The following STRBP variants were observed in gnomAD, a reference collection of about 807,000 sequenced individuals.
STRBP encodes the protein spermatid perinuclear RNA binding protein.
A neutral mutation model predicts 80.1 loss-of-function variants in STRBP; 13 were observed. The ratio of observed to expected loss-of-function variants is 0.16; its 90% CI spans 0.11 to 0.26. The LOEUF is 0.26. Among genes scored for constraint, STRBP ranks in the 10% least tolerant of loss-of-function variants. STRBP has a pLI of 1.00. For synonymous variants in STRBP, 284 were observed against 291.2 expected (o/e 0.98, Z 0.25); for missense variants, 485 against 815.2 (o/e 0.59, Z 4.93).
intron 5 of STRBP, among the ~76,000 whole-genome samples, chr9:123,171,891 C>G (rs1191874884): frequency 6.6e-6 from 1 of 152,170 alleles, no homozygotes; most frequent in African/African-American, 2.4e-5. Context: ...GTACACCCTC[C>G]AGGGTAACCC....
At chr9:123,239,453 T>C (rs1371830224) in intron 1 of STRBP, among the ~76,000 whole-genome samples, 1 of 152,152 alleles carries the variant, frequency 6.6e-6, no homozygotes, top group Non-Finnish European at 1.5e-5. Flanking sequence ...CTGGGCCACA[T>C]TTAGACTCAC....
At chr9:123,212,518 G>T (rs2039747450) in intron 2 of STRBP, 1 of 152,132 alleles carries the variant, frequency 6.6e-6, no homozygotes, top group Non-Finnish European at 1.5e-5. Context: ...AGACAGAAAA[G>T]GAGGAAAGAA....
chr9:123,136,956 A>C lies in STRBP; in HGVS notation c.1498-441T>G, dbSNP rs1330683625. ...TGTTAGAGGGTAAATGTTCCCATAC[A>C]CCTCTCAGTCACTCTAAACAGATTT... On this transcript the variant is annotated intron_variant, in intron 14 of 18. Transcript: ENST00000348403. The surrounding 1 kb of genome is among the most constrained non-coding windows in gnomAD (Gnocchi z 4.2). Among the ~76,000 whole-genome samples the C allele has an allele frequency of 6.6e-6, 1 of 152,196 alleles. No individual in the cohort carries two copies. Among genetic ancestry groups the C allele is most frequent in the Non-Finnish European group, 1.5e-5 (1 of 68,040 alleles).
chr9:123,154,969 T>A (rs1488844806), intron 11 of STRBP, among the ~76,000 whole-genome samples: 1 of 152,200 alleles, frequency 6.6e-6, no homozygotes, highest in Non-Finnish European at 1.5e-5. Flanking sequence ...ATGAGAAGCA[T>A]TCAGTAGACA....
At chr9:123,225,445 C>T (rs568074722) in intron 2 of STRBP, among the ~76,000 whole-genome samples, 1 of 152,300 alleles carries the variant, frequency 6.6e-6, no homozygotes, top group East Asian at 1.9e-4. Context: ...TTGTGGTATA[C>T]ACGTGTTATT....
chr9:123,214,471 A>G (rs911056386), intron 2 of STRBP, among the ~76,000 whole-genome samples: 30 of 152,044 alleles, frequency 2.0e-4, no homozygotes, highest in African/African-American at 7.0e-4. Context: ...TCCAAATACC[A>G]CCTGTTCCCC....
intron 1 of STRBP, among the ~76,000 whole-genome samples, chr9:123,256,265 G>A (rs776340535): frequency 1.3e-4 from 20 of 151,652 alleles, no homozygotes; most frequent in Admixed American, 2.0e-4. Context: ...CTGATCCTCC[G>A]CCTTGGTGTC....
At chr9:123,191,299 T>A (rs1588074942) in intron 2 of STRBP, among the ~76,000 whole-genome samples, 1 of 152,046 alleles carries the variant, frequency 6.6e-6, no homozygotes, top group African/African-American at 2.4e-5. Context: ...TGTCTATGAA[T>A]TGAGCACTTC....
chr9:123,169,885 T>TAC lies in STRBP; in HGVS notation c.535+16_535+17insGT. ...CAACAAATATATACATATATATATATATATATACATGTGTACCTCCATCCT... is the reference window on the plus strand; with the variant it reads ...CAACAAATATATACATATATATATATACATATATACATGTGTACCTCCATCCT... On this transcript the variant is annotated intron_variant, in intron 6 of 18. Coordinates refer to ENST00000348403, the MANE Select transcript of STRBP (RefSeq NM_018387.5). The TAC allele has an allele frequency of 7.7e-7, 1 of 1,304,658 alleles. No homozygotes were observed. Among genetic ancestry groups the TAC allele is most frequent in the Non-Finnish European group, 1.0e-6 (1 of 1,001,768 alleles). The allele number at this position is 1,304,658 out of a possible 1,614,324, so 80.8% of individuals were successfully genotyped here.
Position 123,115,641 on chromosome 9 carries a change from C to T in STRBP, c.*84+288G>A, listed in dbSNP as rs2035633416. On this transcript the variant is annotated intron_variant and NMD_transcript_variant, in intron 3 of 3. Coordinates refer to the STRBP transcript ENST00000471564. This position sits in a 1 kb window ranked among gnomAD's most constrained non-coding sequence, Gnocchi z 5.0. Reference sequence around the variant, plus strand: ...CAGTGAATGGTTTTTCTCAATAAATCTACGTGCCCAAGAAGGGAGACATGG... The same window carrying T: ...CAGTGAATGGTTTTTCTCAATAAATTTACGTGCCCAAGAAGGGAGACATGG... The T allele has an allele frequency of 3.0e-6, 1 of 337,604 alleles. No homozygotes were observed. The highest frequency in any genetic ancestry group is 4.0e-5 in the Admixed American group (1 of 25,032). 20.9% of individuals were successfully genotyped at this position (337,604 alleles called of 1,614,324 possible).
At chr9:123,260,201 G>A (rs944532954) in intron 1 of STRBP, among the ~76,000 whole-genome samples, 15 of 152,322 alleles carry the variant, frequency 9.8e-5, no homozygotes, top group African/African-American at 3.6e-4. Context: ...GCAGGAGAGA[G>A]AGAGACATCA....
rs924868244 is a variant in STRBP at position 123,126,793 on chromosome 9, G to A, written c.1943-1120C>T. On this transcript the variant is annotated intron_variant, in intron 18 of 18. Transcript: ENST00000348403. This position sits in a 1 kb window ranked among gnomAD's most constrained non-coding sequence, Gnocchi z 4.4. ...AGACATAGTACAGTGAGTCTAGTGA[G>A]CCAAAATGTACTTGGATAAATGGAC... is the stretch of plus-strand genomic sequence containing the variant. Among the ~76,000 whole-genome samples, 3 of 152,162 alleles carry A rather than the reference G, an allele frequency of 2.0e-5. No individual in the cohort carries two copies. The highest frequency in any genetic ancestry group is 1.3e-4 in the Admixed American group (2 of 15,286).
At chr9:123,235,061 C>T (rs539951225) in intron 2 of STRBP, among the ~76,000 whole-genome samples, 1 of 150,962 alleles carries the variant, frequency 6.6e-6, no homozygotes, top group Admixed American at 6.6e-5. Flanking sequence ...ACATTACAAC[C>T]AGTATTCAAA....
intron 7 of STRBP, 108 bp downstream of exon 7, chr9:123,160,868 GA>G: frequency 1.2e-6 from 1 of 841,774 alleles, no homozygotes; most frequent in South Asian, 1.7e-5. Flanking sequence ...CTATGAGCTA[GA>G]AAGCACCCCT....
intron 3 of STRBP, chr9:123,112,482 C>G (rs2035583217): frequency 6.0e-6 from 1 of 167,412 alleles, no homozygotes; most frequent in Non-Finnish European, 1.5e-5. Context: ...TCACGTCAGA[C>G]TGGCAGCAGC....
intron 2 of STRBP, among the ~76,000 whole-genome samples, chr9:123,189,639 T>A (rs902202525): frequency 6.6e-6 from 1 of 151,704 alleles, no homozygotes; most frequent in Admixed American, 6.6e-5. Context: ...TAGGTGGGAA[T>A]TGAACAATGA....
chr9:123,221,768 T>A (rs1162297974), intron 2 of STRBP, among the ~76,000 whole-genome samples: 1 of 152,234 alleles, frequency 6.6e-6, no homozygotes, highest in Non-Finnish European at 1.5e-5. Flanking sequence ...GGTGCATAGC[T>A]CTTACTGCAT....
At chr9:123,164,409 TACA>T (rs2037664161) in intron 6 of STRBP, among the ~76,000 whole-genome samples, 1 of 152,162 alleles carries the variant, frequency 6.6e-6, no homozygotes, top group African/African-American at 2.4e-5. Context: ...TGAAGGTACA[TACA>T]ACATTCTAGC....
chr9:123,252,630 G>A (rs1358936675), intron 1 of STRBP, among the ~76,000 whole-genome samples: 1 of 152,146 alleles, frequency 6.6e-6, no homozygotes, highest in Non-Finnish European at 1.5e-5. Context: ...AAAGTCACAA[G>A]GTCACTGTCA....
Sources: allele counts gnomAD v4.1 joint callset (sites outside exome capture counted in the v4.1 genomes callset), GRCh38; gene constraint gnomAD v4.1.1; non-coding constraint Gnocchi (gnomAD v3.1); transcripts MANE v1.5; gene names NCBI Gene and HGNC (gene_info 2026-07-23, HGNC 2026-07-21).